The following ATP9B variants were observed in gnomAD, a reference collection of about 807,000 sequenced individuals.
ATP9B encodes ATPase phospholipid transporting 9B.
A neutral mutation model predicts 146.1 loss-of-function variants in ATP9B; 110 were observed. The ratio of observed to expected loss-of-function variants is 0.75; its 90% confidence interval spans 0.65 to 0.88. The LOEUF is 0.88. Ranked by LOEUF, ATP9B falls within the 40% of genes least tolerant of loss-of-function variation. The probability of loss-of-function intolerance (pLI) is 0.00; values close to 1 mark genes in which losing one functional copy is unlikely to be tolerated. For missense variants in ATP9B, 1,499 were observed against 1,496.4 expected (o/e 1.00, Z -0.03); for synonymous variants, 604 against 569.7 (o/e 1.06, Z -0.86).
rs139304621 is a variant in ATP9B, at chr18:79,196,529, T to C, written c.954+3266T>C. Among the ~76,000 whole-genome samples, 803 of 152,290 alleles carry C rather than the reference T, an allele frequency of 5.3e-3. 5 individuals are homozygous for C. The highest frequency in any genetic ancestry group is 8.0e-3 in the Non-Finnish European group (543 of 68,024). On this transcript the variant is annotated intron_variant, in intron 9 of 29. Coordinates refer to ENST00000426216, the MANE Select transcript of ATP9B (RefSeq NM_198531.5). ...GGGTGTTAAGGCAGTCAGAGACTAT[T>C]GAAAGCTGACGAGCTCAATAGTAGC...
At chr18:79,157,984 C>T (rs1043091734) in intron 7 of ATP9B, among the ~76,000 whole-genome samples, 2 of 152,014 alleles carry the variant, frequency 1.3e-5, no homozygotes, top group Non-Finnish European at 2.9e-5. Context: ...ATTTTTCTCA[C>T]TTGTTTTTCT....
Position 79,118,390 on chromosome 18 carries a change from G to GGTTTTT in ATP9B, c.558+5036_558+5037insGTTTTT, listed in dbSNP as rs1555689295. On this transcript the variant is annotated intron_variant, in intron 4 of 29. Transcript: ENST00000426216. ...AAACACAATCATATTGAACGTTTTTGTTTTTTTTTTTTTTTTTTTTTTTTT... is the reference window on the plus strand; with the variant it reads ...AAACACAATCATATTGAACGTTTTTGGTTTTTTTTTTTTTTTTTTTTTTTTTTTTTT... 3.5e-3 allele frequency among the ~76,000 whole-genome samples: 326 copies of GGTTTTT among 93,274 alleles called. 40 individuals are homozygous for GGTTTTT. Among genetic ancestry groups the GGTTTTT allele is most frequent in the East Asian group, 0.012 (39 of 3,196 alleles). 61.2% of individuals were successfully genotyped at this position (93,274 alleles called of 152,430 possible).
chr18:79,163,917 G>C (rs571474709), intron 7 of ATP9B, among the ~76,000 whole-genome samples: 50 of 145,104 alleles, frequency 3.4e-4, no homozygotes, highest in African/African-American at 1.0e-3. Context: ...GGGGGAGACA[G>C]AGACAGACAG....
At chr18:79,341,010 T>G (rs1192019195) in intron 19 of ATP9B, among the ~76,000 whole-genome samples, 2 of 152,228 alleles carry the variant, frequency 1.3e-5, no homozygotes, top group East Asian at 3.8e-4. Flanking sequence ...AGACTTAGCC[T>G]CTGAGTGCCG....
intron 8 of ATP9B, among the ~76,000 whole-genome samples, chr18:79,182,856 G>A (rs960086699): frequency 5.3e-5 from 8 of 152,156 alleles, no homozygotes; most frequent in African/African-American, 1.4e-4. Flanking sequence ...CCTGGATGCC[G>A]GCCCTTCTGC....
In ATP9B at chr18:79,167,621, C is replaced by T. The variant is rs80119229; in HGVS notation, c.779-9192C>T. Reference sequence around the variant, plus strand: ...GTCCCAATTTCTGTGTGAGTCTGGCCGAAACTCGCTTTTTTTATGAACTTA... The same window carrying T: ...GTCCCAATTTCTGTGTGAGTCTGGCTGAAACTCGCTTTTTTTATGAACTTA... On this transcript the variant is annotated intron_variant, in intron 7 of 29. Coordinates refer to ENST00000426216, the MANE Select transcript of ATP9B (RefSeq NM_198531.5). 6.9e-3 allele frequency among the ~76,000 whole-genome samples: 1,051 copies of T among 152,134 alleles called. 11 individuals are homozygous for T. Among genetic ancestry groups the T allele is most frequent in the Non-Finnish European group, 0.012 (783 of 68,006 alleles).
chr18:79,185,147 A>G (rs2095294977), intron 8 of ATP9B, among the ~76,000 whole-genome samples: 1 of 152,168 alleles, frequency 6.6e-6, no homozygotes, highest in Admixed American at 6.5e-5. Flanking sequence ...GAAAATGTTC[A>G]GTATCTTGAG....
At chr18:79,298,847 C>T (rs1181687391) in intron 13 of ATP9B, among the ~76,000 whole-genome samples, 1 of 146,006 alleles carries the variant, frequency 6.8e-6, no homozygotes, top group African/African-American at 2.5e-5. Context: ...ATAGCCACTT[C>T]AGACTCACCA....
At chr18:79,288,251 T>A (rs957207429) in intron 13 of ATP9B, among the ~76,000 whole-genome samples, 2 of 150,098 alleles carry the variant, frequency 1.3e-5, no homozygotes, top group African/African-American at 4.9e-5. Context: ...TGTGGGAGTC[T>A]AAGTCTCTTT....
rs145613037 is a variant in ATP9B, at chr18:79,170,793, C to T, written c.779-6020C>T. 1.5e-3 allele frequency among the ~76,000 whole-genome samples: 221 copies of T among 152,304 alleles called. 3 individuals carry two copies. Among genetic ancestry groups the T allele is most frequent in the African/African-American group, 5.0e-3 (208 of 41,544 alleles). On this transcript the variant is annotated intron_variant, in intron 7 of 29. Transcript: ENST00000426216. The stretch of plus-strand genomic sequence containing the variant: ...GAGCTACTTGATTATAAGCATTCGC[C>T]AGTATAATACTGAGTTCTGAAAACT...
intron 12 of ATP9B, among the ~76,000 whole-genome samples, chr18:79,260,078 G>C (rs1240036943): frequency 6.6e-6 from 1 of 152,182 alleles, no homozygotes; most frequent in Non-Finnish European, 1.5e-5. Flanking sequence ...TGAAGAGATA[G>C]ATTAGGGGCA....
At chr18:79,221,925 CT>C (rs2095683465) in intron 11 of ATP9B, among the ~76,000 whole-genome samples, 1 of 89,852 alleles carries the variant, frequency 1.1e-5, no homozygotes, top group African/African-American at 5.4e-5. Context: ...TTTTTAGCTG[CT>C]TTAAAAAAAA....
At position 79,336,815 on chromosome 18, in the gene ATP9B, G is replaced by A. The variant is rs375664236; in HGVS notation, c.2112+104G>A. The A allele has an allele frequency of 2.0e-4, 245 of 1,204,844 alleles. No individual in the cohort carries two copies. The Middle Eastern group carries it at 2.3e-3, about 11-fold the overall frequency. 74.6% of individuals were successfully genotyped at this position (1,204,844 alleles called of 1,614,324 possible). A position where few individuals can be genotyped will look rare whatever the true frequency, so the allele number is the denominator to read the frequency against. Reference sequence around the variant, plus strand: ...TGAAATTAGAGCTGGGATCGCTATAGTCTAGGAGTGAAGGCAGCTTCGCTC... The same window carrying A: ...TGAAATTAGAGCTGGGATCGCTATAATCTAGGAGTGAAGGCAGCTTCGCTC... On this transcript the variant is annotated intron_variant, in intron 18 of 29. Transcript: ENST00000426216.
chr18:79,231,032 C>T (rs2095786478), intron 11 of ATP9B, among the ~76,000 whole-genome samples: 1 of 152,168 alleles, frequency 6.6e-6, no homozygotes, highest in South Asian at 2.1e-4. Context: ...AGTCTAAGAC[C>T]TGAAACCATA....
chr18:79,087,188 A>G (rs555648909), intron 1 of ATP9B: 23 of 152,370 alleles, frequency 1.5e-4, no homozygotes, highest in African/African-American at 5.0e-4. Context: ...GAGCAAACCC[A>G]TTGCAATATG....
chr18:79,164,223 C>T (rs2094929486), intron 7 of ATP9B, among the ~76,000 whole-genome samples: 1 of 152,220 alleles, frequency 6.6e-6, no homozygotes, highest in East Asian at 1.9e-4. Context: ...CTGTGCCCAG[C>T]CCTATATTTT....
chr18:79,099,622 C>G (rs768779279), intron 2 of ATP9B, among the ~76,000 whole-genome samples: 1 of 151,994 alleles, frequency 6.6e-6, no homozygotes, highest in Non-Finnish European at 1.5e-5. Flanking sequence ...TCCTAGTTAA[C>G]TTTTTATAAT....
Position 79,337,479 on chromosome 18 carries a change from G to A in ATP9B, c.2283+30G>A, listed in dbSNP as rs115785061. On this transcript the variant is annotated intron_variant, in intron 19 of 29. Transcript: ENST00000426216. ...TGCAGGCTCACCTCTGCTGGCGCGC[G>A]CTGCTTTTGCTGAAGCAAACAGTGC... 3.1e-3 allele frequency: 4,933 copies of A among 1,590,246 alleles called. 117 individuals are homozygous for A. The African/African-American group carries it at 0.055, about 18-fold the overall frequency.
At chr18:79,072,474 T>TTA (rs2071976967) in intron 1 of ATP9B, among the ~76,000 whole-genome samples, 1 of 152,196 alleles carries the variant, frequency 6.6e-6, no homozygotes, top group Non-Finnish European at 1.5e-5. Context: ...GGGGGTAAGG[T>TTA]TATAGATTAA....
Sources: allele counts gnomAD v4.1 joint callset (sites outside exome capture counted in the v4.1 genomes callset), GRCh38; gene constraint gnomAD v4.1.1; transcripts MANE v1.5; gene names NCBI Gene and HGNC (gene_info 2026-07-23, HGNC 2026-07-21).